Variants in GNE observed in about 807,000 individuals in gnomAD.
The protein encoded by GNE is bifunctional UDP-N-acetylglucosamine 2-epimerase/N-acetylmannosamine kinase.
In GNE, 41 loss-of-function variants were observed where a neutral mutation model predicts 61.8. The observed-to-expected ratio is 0.66, with a 90% CI of 0.52 to 0.86. The LOEUF is 0.86. GNE is among the 40% of genes least tolerant of loss of function. The probability of loss-of-function intolerance (pLI) is 0.00; values close to 1 mark genes in which losing one functional copy is unlikely to be tolerated. For synonymous variants in GNE, 264 were observed against 326.4 expected, an observed-to-expected ratio of 0.81 and a Z score of 2.06; for missense variants, 608 against 909.1, an observed-to-expected ratio of 0.67 and a Z score of 4.26.
chr9:36,263,913 C>T (rs567051668), intron 1 of GNE, among the ~76,000 whole-genome samples: 1 of 152,106 alleles, frequency 6.6e-6, no homozygotes, highest in Non-Finnish European at 1.5e-5. Context: ...GTTAAAGTAG[C>T]TCTCTGAAAC....
rs183011251 is a variant in GNE, at chr9:36,220,777, A to G, written c.1634-757T>C. Among the ~76,000 whole-genome samples the G allele has an allele frequency of 4.3e-4, 65 of 152,334 alleles. 1 individual carries two copies. The highest frequency in any genetic ancestry group is 1.3e-3 in the African/African-American group (55 of 41,568). ...ATGCTGCCATGTCTAAAAATCTGTG[A>G]TTCAATAATTATAAATATCAGTGAC... is the stretch of plus-strand genomic sequence containing the variant. On this transcript the variant is annotated intron_variant, in intron 9 of 11. Coordinates refer to ENST00000642385, the MANE Select transcript of GNE (RefSeq NM_005476.7).
In GNE at chr9:36,227,468, A is replaced by G. The variant is rs778099319; in HGVS notation, c.1071-10T>C. On this transcript the variant is annotated splice_polypyrimidine_tract_variant and intron_variant, in intron 6 of 11. Transcript: ENST00000642385. Reference sequence around the variant, plus strand: ...CCCATATATCTTTGAACTGCAATATACAAAAAGTCAATTAAATTATATGCT... The same window carrying G: ...CCCATATATCTTTGAACTGCAATATGCAAAAAGTCAATTAAATTATATGCT... 6 of 1,529,250 alleles carry G rather than the reference A, an allele frequency of 3.9e-6. No homozygotes were observed. In the South Asian group the frequency reaches 6.7e-5, roughly 17 times the overall value. 94.7% of individuals were successfully genotyped at this position (1,529,250 alleles called of 1,614,324 possible).
rs527455421 is a variant in GNE at position 36,239,589 on chromosome 9, C to T, written c.617-2605G>A. Reference sequence around the variant, plus strand: ...CCAGGTTCAAGCGATTCTCCTGCCTCGGCCTCCCAAGTATCTGGGACTACA... The same window carrying T: ...CCAGGTTCAAGCGATTCTCCTGCCTTGGCCTCCCAAGTATCTGGGACTACA... On this transcript the variant is annotated intron_variant, in intron 3 of 11. Coordinates refer to ENST00000642385, the MANE Select transcript of GNE (RefSeq NM_005476.7). Among the ~76,000 whole-genome samples, 9 of 152,210 alleles carry T rather than the reference C, an allele frequency of 5.9e-5. No individual in the cohort carries two copies. In the South Asian group the frequency reaches 1.2e-3, roughly 21 times the overall value.
rs1383533734 is a variant in GNE at position 36,246,018 on chromosome 9, C to G, written c.616+13G>C. The G allele has an allele frequency of 1.2e-6, 2 of 1,604,784 alleles. No individual in the cohort carries two copies. The highest frequency in any genetic ancestry group is 1.7e-6 in the Non-Finnish European group (2 of 1,172,272). On this transcript the variant is annotated intron_variant, in intron 3 of 11. Coordinates refer to ENST00000642385, the MANE Select transcript of GNE (RefSeq NM_005476.7). ...AAACAGCCATTAGACTGACTAAAGT[C>G]TGAGATACGTACCTAGCCACATGCG...
At chr9:36,269,496 C>A (rs1232251236) in intron 1 of GNE, among the ~76,000 whole-genome samples, 4 of 151,150 alleles carry the variant, frequency 2.6e-5, no homozygotes, top group Non-Finnish European at 2.9e-5. Flanking sequence ...TTCATTTTAT[C>A]CTGTTGACTT....
At position 36,242,732 on chromosome 9, in the gene GNE, G is replaced by GCTTTTTTTTTTTTT. The variant is rs375794259; in HGVS notation, c.616+3298_616+3299insAAAAAAAAAAAAAG. 2.1e-5 allele frequency among the ~76,000 whole-genome samples: 2 copies of GCTTTTTTTTTTTTT among 95,992 alleles called. 1 individual carries two copies. The allele number at this position is 95,992 out of a possible 152,430, so 63.0% of individuals were successfully genotyped here. The stretch of plus-strand genomic sequence containing the variant: ...CGCATCTGGCCTGGGTTTTATGCTT[G>GCTTTTTTTTTTTTT]TTTTTTTTTTTTTTTTTTTTTTTGA... On this transcript the variant is annotated intron_variant, in intron 3 of 11. Coordinates refer to ENST00000642385, the MANE Select transcript of GNE (RefSeq NM_005476.7).
At chr9:36,269,298 G>C (rs1417690985) in intron 1 of GNE, among the ~76,000 whole-genome samples, 1 of 151,012 alleles carries the variant, frequency 6.6e-6, no homozygotes, top group Admixed American at 6.6e-5. Flanking sequence ...CTTATGATTA[G>C]CTCCTGCCCC....
rs138694766 is a variant in GNE, at chr9:36,234,059, G to A, written c.843C>T (p.His281=). The change falls in exon 5 of 12, where the codon CAC becomes CAT. Residue 281 remains histidine, a synonymous_variant. Coordinates refer to ENST00000642385, the MANE Select transcript of GNE (RefSeq NM_005476.7). ...EHHPNFRAVK[H]VPFDQFIQLV... is the part of the protein sequence containing the mutation. ...ACTGTATAAACTGGTCAAATGGGACGTGTTTAACTGCACGAAAGTTGGGAT... is the reference window on the plus strand; with the variant it reads ...ACTGTATAAACTGGTCAAATGGGACATGTTTAACTGCACGAAAGTTGGGAT... 2.6e-4 allele frequency: 418 copies of A among 1,613,624 alleles called. No individual in the cohort carries two copies. The highest frequency in any genetic ancestry group is 3.3e-4 in the Middle Eastern group (2 of 6,084).
chr9:36,215,687 C>T lies in GNE; in HGVS notation c.*1678G>A, dbSNP rs530317139. 5 of 152,452 alleles carry T rather than the reference C, an allele frequency of 3.3e-5. No individual in the cohort carries two copies. Among genetic ancestry groups the T allele is most frequent in the African/African-American group, 4.8e-5 (2 of 41,564 alleles). The allele number at this position is 152,452 out of a possible 1,614,324, so 9.4% of individuals were successfully genotyped here. ...ATGAAGCACCTAGTTCAGAGCCTGGCACACAGTAGGCACTTAATAAGTGGT... is the reference window on the plus strand; with the variant it reads ...ATGAAGCACCTAGTTCAGAGCCTGGTACACAGTAGGCACTTAATAAGTGGT... On this transcript the variant is annotated 3_prime_UTR_variant, in exon 12 of 12. Coordinates refer to ENST00000642385, the MANE Select transcript of GNE (RefSeq NM_005476.7).
At chr9:36,255,163 A>C (rs1830280570) in intron 1 of GNE, among the ~76,000 whole-genome samples, 1 of 152,192 alleles carries the variant, frequency 6.6e-6, no homozygotes, top group Admixed American at 6.5e-5. Context: ...TCTTTGTAAA[A>C]TAAATATAAA....
chr9:36,260,272 C>T (rs1830562346), upstream of GNE, among the ~76,000 whole-genome samples: 1 of 141,430 alleles, frequency 7.1e-6, no homozygotes. Flanking sequence ...GGATCGAGAC[C>T]TCATCTCTTA....
At chr9:36,234,204 G>T in intron 4 of GNE, 72 bp from the exon 5 acceptor site, 1 of 1,177,834 alleles carries the variant, frequency 8.5e-7, no homozygotes, top group Non-Finnish European at 1.3e-6. Context: ...GGCAAGTATA[G>T]CCCACGTAAA....
chr9:36,231,091 AAGAGAGAG>A (rs749133221), intron 5 of GNE, among the ~76,000 whole-genome samples: 1 of 135,916 alleles, frequency 7.4e-6, no homozygotes. Context: ...AAAAGAAAGA[AAGAGAGAG>A]AGAGAAAGAG....
intron 10 of GNE, 28 bp downstream of exon 10, chr9:36,219,806 GTTAC>G (rs775558035): frequency 6.3e-7 from 1 of 1,587,776 alleles, no homozygotes; most frequent in South Asian, 1.1e-5. Flanking sequence ...CTACTATTTG[GTTAC>G]TTAATTCCTC....
chr9:36,249,152 C>T (rs767906863), intron 2 of GNE, 40 bp downstream of exon 2: 1 of 1,521,930 alleles, frequency 6.6e-7, no homozygotes, highest in Middle Eastern at 1.7e-4. Flanking sequence ...CCTTCTAGCA[C>T]ACTGTTGCAA....
chr9:36,217,802 G>C (rs1828399505), intron 11 of GNE, among the ~76,000 whole-genome samples: 1 of 152,012 alleles, frequency 6.6e-6, no homozygotes, highest in Non-Finnish European at 1.5e-5. Context: ...GAAAAAGCCG[G>C]GTGTACCACA....
rs141441719 is a variant in GNE at position 36,273,863 on chromosome 9, T to G, written c.51+3031A>C. ...CATCTTGGCCAGGCTGGTCTTGAAC[T>G]CCTGACGTCGATCCACCCGCCTCGG... is the stretch of plus-strand genomic sequence containing the variant. On this transcript the variant is annotated intron_variant, in intron 1 of 11. Coordinates refer to the GNE transcript ENST00000396594. Among the ~76,000 whole-genome samples, 1,352 of 151,944 alleles carry G rather than the reference T, an allele frequency of 8.9e-3. 12 individuals are homozygous for G. The highest frequency in any genetic ancestry group is 0.014 in the Non-Finnish European group (922 of 67,966).
intron 5 of GNE, 48 bp from the exon 6 acceptor site, chr9:36,229,156 C>A: frequency 9.9e-7 from 1 of 1,014,022 alleles, no homozygotes; most frequent in Non-Finnish European, 1.6e-6. Context: ...GTGGGAATAT[C>A]CAAAGAATAA....
chr9:36,223,309 C>T lies in GNE; in HGVS notation c.1411+64G>A, dbSNP rs1255282534. 3.5e-5 allele frequency: 51 copies of T among 1,443,686 alleles called. 1 individual carries two copies. Among genetic ancestry groups the T allele is most frequent in the Non-Finnish European group, 5.0e-5 (51 of 1,025,150 alleles). 89.4% of individuals were successfully genotyped at this position (1,443,686 alleles called of 1,614,324 possible). ...ACTGACTTGATGCTCAGGCATGCATCACAAGTTAGTAAATTTTGTACATTA... is the reference window on the plus strand; with the variant it reads ...ACTGACTTGATGCTCAGGCATGCATTACAAGTTAGTAAATTTTGTACATTA... On this transcript the variant is annotated intron_variant, in intron 8 of 11. Coordinates refer to ENST00000642385, the MANE Select transcript of GNE (RefSeq NM_005476.7).
Sources: gnomAD v4.1 joint callset for allele counts (sites outside exome capture counted in the v4.1 genomes callset) on GRCh38, gnomAD v4.1.1 for gene constraint, MANE v1.5 for transcripts, NCBI Gene and HGNC (gene_info 2026-07-23, HGNC 2026-07-21) for gene names.